Variants in FANCB observed in about 807,000 individuals in gnomAD.
FANCB encodes FA complementation group B, also known as Fanconi anemia group B protein.
FANCB carries 5 observed loss-of-function variants against 38.9 expected under a neutral mutation model. The observed-to-expected ratio is 0.13, with a 90% CI of 0.07 to 0.27. The LOEUF (loss-of-function observed/expected upper bound fraction) is 0.27, where lower values mean the gene tolerates loss of function less well. Among genes scored for constraint, FANCB ranks in the 10% least tolerant of loss-of-function variants. The probability of loss-of-function intolerance (pLI) is 1.00; values close to 1 mark genes in which losing one functional copy is unlikely to be tolerated. For missense variants in FANCB, 573 were observed against 602.7 expected (o/e 0.95, Z 0.52); for synonymous variants, 236 against 215.4 (o/e 1.10, Z -0.84).
the FANCB span, among the ~76,000 whole-genome samples, chrX:14,817,994 G>A: frequency 2.7e-5 from 3 of 111,160 alleles, no homozygotes; most frequent in Admixed American, 1.9e-4. Flanking sequence ...AATTTATTAC[G>A]AGTACCAAAT....
At chrX:14,760,538 T>C in the FANCB span, among the ~76,000 whole-genome samples, 2 of 111,966 alleles carry the variant, frequency 1.8e-5, no homozygotes, top group African/African-American at 6.5e-5. Flanking sequence ...GCTTAAGAAA[T>C]GATAAATGTA....
chrX:14,692,180 G>T, the FANCB span, among the ~76,000 whole-genome samples: 2 of 111,959 alleles, frequency 1.8e-5, no homozygotes, highest in African/African-American at 3.2e-5. Flanking sequence ...CTACCTCTCA[G>T]GAACATTTTG....
At chrX:14,870,520 GC>G (rs1234514012) in intron 1 of FANCB, among the ~76,000 whole-genome samples, 2 of 111,485 alleles carry the variant, frequency 1.8e-5, no homozygotes, top group Non-Finnish European at 3.8e-5. Flanking sequence ...ATTAATTTGA[GC>G]TTTTCCTGTT....
At chrX:14,780,943 G>A in the FANCB span, among the ~76,000 whole-genome samples, 1 of 110,117 alleles carries the variant, frequency 9.1e-6, no homozygotes, top group East Asian at 2.8e-4. Flanking sequence ...AAGCAGGGCT[G>A]AGGCAAGGGC....
the FANCB span, among the ~76,000 whole-genome samples, chrX:14,773,500 A>T: frequency 8.9e-6 from 1 of 111,733 alleles, no homozygotes; most frequent in Non-Finnish European, 1.9e-5. Context: ...AGTTTAGCTG[A>T]CATGCAGGAT....
At chrX:14,704,358 C>CTTTT in the FANCB span, among the ~76,000 whole-genome samples, 1 of 112,054 alleles carries the variant, frequency 8.9e-6, no homozygotes, top group Non-Finnish European at 1.9e-5. Context: ...GTGTAAGATT[C>CTTTT]TTTTTTTCCA....
the FANCB span, among the ~76,000 whole-genome samples, chrX:14,691,922 C>A: frequency 8.9e-6 from 1 of 111,924 alleles, no homozygotes; most frequent in Non-Finnish European, 1.9e-5. Context: ...TAAATTAATC[C>A]TGCTGGTGAA....
chrX:14,708,648 G>C, the FANCB span, among the ~76,000 whole-genome samples: 4 of 111,754 alleles, frequency 3.6e-5, no homozygotes, highest in Non-Finnish European at 1.9e-5. Context: ...AGAAAAGAGA[G>C]ACATCAGGCC....
At chrX:14,770,456 A>T in the FANCB span, among the ~76,000 whole-genome samples, 2 of 109,984 alleles carry the variant, frequency 1.8e-5, no homozygotes, top group African/African-American at 6.6e-5. Flanking sequence ...TAGGACTGCA[A>T]CCCCTGCTTT....
At chrX:14,750,567 C>A in the FANCB span, among the ~76,000 whole-genome samples, 1 of 111,224 alleles carries the variant, frequency 9.0e-6, no homozygotes, top group Non-Finnish European at 1.9e-5. Context: ...CTGCTAGGCA[C>A]AAGGGTGGTA....
the FANCB span, among the ~76,000 whole-genome samples, chrX:14,696,084 GGAAGACAAAGA>G: frequency 1.2e-4 from 13 of 109,300 alleles, no homozygotes; most frequent in Non-Finnish European, 2.1e-4. Context: ...GAAAGTGAGT[GGAAGACAAAGA>G]GAAGACAATA....
At chrX:14,840,549 G>A (rs2092352342), downstream of FANCB, among the ~76,000 whole-genome samples, 1 of 111,897 alleles carries the variant, frequency 8.9e-6, no homozygotes, top group Non-Finnish European at 1.9e-5. Flanking sequence ...TGGACAAAAC[G>A]AGAGTTTCAG....
intron 10 of FANCB, chrX:14,836,288 A>G (rs1456048692): frequency 8.9e-6 from 1 of 111,992 alleles, no homozygotes; most frequent in Non-Finnish European, 1.9e-5. Flanking sequence ...TTAACGCTCA[A>G]TGGGTATAGA....
the FANCB span, among the ~76,000 whole-genome samples, chrX:14,771,364 T>C: frequency 9.0e-6 from 1 of 111,574 alleles, no homozygotes; most frequent in East Asian, 2.8e-4. Flanking sequence ...CTTGTCTGCC[T>C]GTCTTATTTC....
chrX:14,834,679 C>A, downstream of FANCB: 1 of 656,214 alleles, frequency 1.5e-6, no homozygotes, highest in Non-Finnish European at 2.5e-6. Flanking sequence ...TTGAAGGATT[C>A]TTGTCCTTTT....
the FANCB span, among the ~76,000 whole-genome samples, chrX:14,728,040 T>C: frequency 8.9e-6 from 1 of 112,299 alleles, no homozygotes; most frequent in Non-Finnish European, 1.9e-5. Context: ...TAATCCCATA[T>C]AAATAAAAGT....
the FANCB span, among the ~76,000 whole-genome samples, chrX:14,824,509 A>T: frequency 8.9e-6 from 1 of 111,925 alleles, no homozygotes; most frequent in African/African-American, 3.3e-5. Context: ...TTCAGAGGCT[A>T]TTACATATAA....
the FANCB span, among the ~76,000 whole-genome samples, chrX:14,825,857 G>A: frequency 8.9e-6 from 1 of 112,187 alleles, no homozygotes; most frequent in Non-Finnish European, 1.9e-5. Flanking sequence ...CAGAATTTGT[G>A]CTTAATCAGA....
the FANCB span, among the ~76,000 whole-genome samples, chrX:14,796,889 T>C: frequency 1.8e-5 from 2 of 110,151 alleles, no homozygotes; most frequent in African/African-American, 6.6e-5. Context: ...GCTGGTGGTG[T>C]TGATTCCAGC....
Sources: gnomAD v4.1 joint callset for allele counts (sites outside exome capture counted in the v4.1 genomes callset) on GRCh38, gnomAD v4.1.1 for gene constraint, MANE v1.5 for transcripts, NCBI Gene and HGNC (gene_info 2026-07-23, HGNC 2026-07-21) for gene names.